Variants in NOS1AP observed in about 807,000 individuals in gnomAD.
NOS1AP encodes the protein nitric oxide synthase 1 adaptor protein.
NOS1AP carries 21 observed loss-of-function variants against 56.2 expected under a neutral mutation model. The ratio of observed to expected loss-of-function variants is 0.37; its 90% CI spans 0.26 to 0.54. The LOEUF (loss-of-function observed/expected upper bound fraction) is 0.54, where lower values mean the gene tolerates loss of function less well. Among genes scored for constraint, NOS1AP ranks in the 20% least tolerant of loss-of-function variants. The pLI is 0.84. For synonymous variants in NOS1AP, 270 were observed against 274.6 expected, an observed-to-expected ratio of 0.98 and a Z score of 0.17; for missense variants, 522 against 657.8, an observed-to-expected ratio of 0.79 and a Z score of 2.26.
chr1:162,349,761 G>A lies in NOS1AP; in HGVS notation c.596-5426G>A, dbSNP rs535649038. Among the ~76,000 whole-genome samples the A allele has an allele frequency of 2.6e-5, 4 of 152,266 alleles. No individual in the cohort carries two copies. In the South Asian group the frequency reaches 8.3e-4, roughly 32 times the overall value. On this transcript the variant is annotated intron_variant, in intron 6 of 9. Transcript: ENST00000361897. ...CTGTACAGTGAGGGAGCTAGACAAG[G>A]CCTCTCCAGTACTGATTTTATGACG...
At chr1:162,213,197 C>T (rs1444772279) in intron 2 of NOS1AP, among the ~76,000 whole-genome samples, 1 of 152,196 alleles carries the variant, frequency 6.6e-6, no homozygotes, top group Non-Finnish European at 1.5e-5. Context: ...AACGTATGAG[C>T]ATGACCCCTT....
At chr1:162,114,859 A>T (rs1647877090) in intron 1 of NOS1AP, among the ~76,000 whole-genome samples, 1 of 152,100 alleles carries the variant, frequency 6.6e-6, no homozygotes, top group East Asian at 1.9e-4. Context: ...ACTAAATCGG[A>T]AGTTGTTGTA....
intron 2 of NOS1AP, among the ~76,000 whole-genome samples, chr1:162,218,726 G>A (rs939420532): frequency 1.3e-5 from 2 of 152,152 alleles, no homozygotes; most frequent in Non-Finnish European, 2.9e-5. Flanking sequence ...CTATTAGAGC[G>A]GAGGAGGGTT....
At chr1:162,162,927 A>G (rs1650295403) in intron 2 of NOS1AP, among the ~76,000 whole-genome samples, 1 of 152,122 alleles carries the variant, frequency 6.6e-6, no homozygotes, top group Non-Finnish European at 1.5e-5. Context: ...GCGAACCCCA[A>G]AAAGAAACTC....
At chr1:162,201,861 AGAT>A (rs1435838379) in intron 2 of NOS1AP, among the ~76,000 whole-genome samples, 1 of 152,242 alleles carries the variant, frequency 6.6e-6, no homozygotes, top group Admixed American at 6.5e-5. Flanking sequence ...GACCTGTGTC[AGAT>A]GCAGTTTGCA....
intron 7 of NOS1AP, among the ~76,000 whole-genome samples, chr1:162,356,499 G>T (rs559242818): frequency 1.8e-4 from 27 of 152,344 alleles, no homozygotes; most frequent in African/African-American, 6.3e-4. Context: ...CAACAAGGGA[G>T]AAGGAACATC....
At chr1:162,142,648 A>G (rs760093344) in intron 1 of NOS1AP, among the ~76,000 whole-genome samples, 6 of 152,224 alleles carry the variant, frequency 3.9e-5, no homozygotes, top group African/African-American at 7.2e-5. Flanking sequence ...AGGCGAAAGC[A>G]TGTGTAGCAT....
At chr1:162,221,485 A>G (rs1652766110) in intron 2 of NOS1AP, among the ~76,000 whole-genome samples, 1 of 148,668 alleles carries the variant, frequency 6.7e-6, no homozygotes, top group African/African-American at 2.5e-5. Context: ...ACTTTGGGTA[A>G]TCTCTCATTT....
chr1:162,355,263 A>T lies in NOS1AP; in HGVS notation c.672A>T (p.Pro224=), dbSNP rs1312388618. The change falls in exon 7 of 10, where the codon CCA becomes CCT. Residue 224 remains proline (P), a synonymous_variant. Coordinates refer to ENST00000361897, the MANE Select transcript of NOS1AP (RefSeq NM_014697.3). ...EETDIDAVEV[P]LPGNDVLEFS... The stretch of plus-strand genomic sequence containing the variant: ...CTGACATCGATGCGGTGGAGGTCCC[A>T]CTTCCAGGGAATGATGTCCTGGAAT... 1 of 1,614,160 alleles carries T rather than the reference A, an allele frequency of 6.2e-7. No individual in the cohort carries two copies. Among genetic ancestry groups the T allele is most frequent in the African/African-American group, 1.3e-5 (1 of 75,034 alleles).
chr1:162,324,524 G>C lies in NOS1AP; in HGVS notation c.345-8493G>C, dbSNP rs564283454. ...TTTAGAAAGTGCTGTGTGGTGGTTT[G>C]TGGTTGATTCAAGTAAAGCAGGGGA... is the stretch of plus-strand genomic sequence containing the variant. On this transcript the variant is annotated intron_variant, in intron 4 of 9. Coordinates refer to ENST00000361897, the MANE Select transcript of NOS1AP (RefSeq NM_014697.3). 5.6e-5 allele frequency among the ~76,000 whole-genome samples: 8 copies of C among 143,036 alleles called. No individual in the cohort carries two copies. In the Admixed American group the frequency reaches 5.9e-4, roughly 11 times the overall value. The allele number at this position is 143,036 out of a possible 152,430, so 93.8% of individuals were successfully genotyped here.
At chr1:162,073,114 A>G (rs2102007994) in intron 1 of NOS1AP, among the ~76,000 whole-genome samples, 1 of 152,304 alleles carries the variant, frequency 6.6e-6, no homozygotes, top group South Asian at 2.1e-4. Context: ...AAACCCATGC[A>G]TTTAGTTATC....
chr1:162,295,849 C>A (rs575095889), intron 3 of NOS1AP, among the ~76,000 whole-genome samples: 2 of 152,076 alleles, frequency 1.3e-5, no homozygotes, highest in African/African-American at 4.8e-5. Context: ...CTTGGCTGGG[C>A]GGCTAACAAG....
intron 2 of NOS1AP, among the ~76,000 whole-genome samples, chr1:162,274,812 C>A (rs2101722953): frequency 6.6e-6 from 1 of 152,314 alleles, no homozygotes; most frequent in African/African-American, 2.4e-5. Flanking sequence ...AACCAACTAC[C>A]AAAACTTGTT....
At chr1:162,114,827 G>A (rs900176966) in intron 1 of NOS1AP, among the ~76,000 whole-genome samples, 4 of 152,126 alleles carry the variant, frequency 2.6e-5, no homozygotes, top group South Asian at 2.1e-4. Flanking sequence ...CATCGTTTGC[G>A]TCTATGTGAC....
intron 1 of NOS1AP, among the ~76,000 whole-genome samples, chr1:162,149,446 C>CATGT (rs1649617895): frequency 6.6e-6 from 1 of 152,240 alleles, no homozygotes; most frequent in Admixed American, 6.5e-5. Context: ...TGGTGTCTTA[C>CATGT]ACTTTGCTCA....
At chr1:162,336,737 G>A (rs577879384) in intron 5 of NOS1AP, among the ~76,000 whole-genome samples, 91 of 152,300 alleles carry the variant, frequency 6.0e-4, no homozygotes, top group African/African-American at 2.1e-3. Flanking sequence ...AGAAAGATAC[G>A]TGAGCCTTTC....
Position 162,188,825 on chromosome 1 carries a change from G to A in NOS1AP, c.177+34349G>A, listed in dbSNP as rs185902724. ...TCCCAGCACTTTCGGAGGCCGAGGCGGGCGGATCACGAGATCAGGAGTTCG... is the reference window on the plus strand; with the variant it reads ...TCCCAGCACTTTCGGAGGCCGAGGCAGGCGGATCACGAGATCAGGAGTTCG... On this transcript the variant is annotated intron_variant, in intron 2 of 9. Transcript: ENST00000361897. This position sits in a 1 kb window ranked among gnomAD's most constrained non-coding sequence, Gnocchi z 4.0. Among the ~76,000 whole-genome samples the A allele has an allele frequency of 3.0e-4, 45 of 152,240 alleles. No individual in the cohort carries two copies. In the South Asian group the frequency reaches 3.7e-3, roughly 13 times the overall value.
intron 1 of NOS1AP, among the ~76,000 whole-genome samples, chr1:162,128,200 AG>A (rs1648574852): frequency 6.6e-6 from 1 of 152,124 alleles, no homozygotes; most frequent in South Asian, 2.1e-4. Context: ...ATGCAGCATA[AG>A]GTAAAAAATC....
intron 2 of NOS1AP, among the ~76,000 whole-genome samples, chr1:162,276,290 C>T (rs541672609): frequency 3.4e-4 from 52 of 152,194 alleles, no homozygotes; most frequent in African/African-American, 1.1e-3. Context: ...ATTTGGACGA[C>T]GTAATGTCTG....
Sources: allele counts gnomAD v4.1 joint callset (sites outside exome capture counted in the v4.1 genomes callset), GRCh38; gene constraint gnomAD v4.1.1; non-coding constraint Gnocchi (gnomAD v3.1); transcripts MANE v1.5; gene names NCBI Gene and HGNC (gene_info 2026-07-23, HGNC 2026-07-21).